ZNF346: variants seen among roughly 807,000 people sequenced by gnomAD.
ZNF346 encodes double-stranded RNA-binding zinc finger protein JAZ.
A neutral mutation model predicts 33.7 loss-of-function variants in ZNF346; 23 were observed. That is an observed-to-expected ratio of 0.68 (90% CI 0.49 to 0.97). The LOEUF is 0.97. ZNF346 is among the 50% of genes least tolerant of loss of function. The probability of loss-of-function intolerance (pLI) is 0.00; values close to 1 mark genes in which losing one functional copy is unlikely to be tolerated. For missense variants in ZNF346, 340 were observed against 371.1 expected (o/e 0.92, Z 0.69); for synonymous variants, 134 against 142.4 (o/e 0.94, Z 0.42).
In ZNF346 at chr5:177,022,862, C is replaced by T. The variant is rs1030542788; in HGVS notation, c.124C>T (p.Arg42Cys). 2.0e-6 allele frequency: 3 copies of T among 1,526,424 alleles called. No homozygotes were observed. The highest frequency in any genetic ancestry group is 2.8e-5 in the African/African-American group (2 of 71,774). 94.6% of individuals were successfully genotyped at this position (1,526,424 alleles called of 1,614,324 possible). The part of the protein sequence containing the change: ...DGVRFDRERA[R>C]RLWEAVSGAQ... The stretch of plus-strand genomic sequence containing the variant: ...GGTGCGCTTTGACCGCGAGAGGGCG[C>T]GCCGCCTGTGGGAAGCCGTGTCCGG... Residue 42 changes from arginine to cysteine, a missense_variant, in exon 1 of 7, where the codon CGC becomes TGC. Coordinates refer to ENST00000358149, the MANE Select transcript of ZNF346 (RefSeq NM_012279.4).
chr5:177,051,283 T>G (rs1780850106), intron 5 of ZNF346, among the ~76,000 whole-genome samples: 1 of 148,628 alleles, frequency 6.7e-6, no homozygotes, highest in African/African-American at 2.5e-5. Context: ...CATGCCATCC[T>G]TCTGCCTCAG....
chr5:177,053,844 AC>A (rs1321855688), intron 5 of ZNF346, among the ~76,000 whole-genome samples: 1 of 151,990 alleles, frequency 6.6e-6, no homozygotes, highest in East Asian at 1.9e-4. Context: ...ACGTTTCAAA[AC>A]CCCCCATGGA....
At chr5:177,035,767 C>T (rs1163450027) in intron 1 of ZNF346, among the ~76,000 whole-genome samples, 1 of 28,676 alleles carries the variant, frequency 3.5e-5, no homozygotes, top group East Asian at 8.9e-3. Flanking sequence ...TCCCAAGTAG[C>T]TGGGACACAG....
In ZNF346 at chr5:177,067,895, G is replaced by A. The variant is rs1455035267; in HGVS notation, c.*3296G>A. Among the ~76,000 whole-genome samples the A allele has an allele frequency of 5.9e-5, 9 of 151,900 alleles. No homozygotes were observed. The highest frequency in any genetic ancestry group is 1.3e-4 in the Non-Finnish European group (9 of 67,962). ...CAAGGCGGGTGTATCACTTGCGGCCGGGAGTTTAAGACCATCCTGGCCAAC... is the reference window on the plus strand; with the variant it reads ...CAAGGCGGGTGTATCACTTGCGGCCAGGAGTTTAAGACCATCCTGGCCAAC... On this transcript the variant is annotated 3_prime_UTR_variant, in exon 7 of 7. Transcript: ENST00000358149.
chr5:177,047,136 C>T (rs1780165195), intron 4 of ZNF346, among the ~76,000 whole-genome samples: 1 of 151,798 alleles, frequency 6.6e-6, no homozygotes, highest in African/African-American at 2.4e-5. Flanking sequence ...GCAACCTCCG[C>T]CTCCTGGGTT....
intron 1 of ZNF346, among the ~76,000 whole-genome samples, chr5:177,038,585 A>C (rs984190615): frequency 3.1e-4 from 47 of 151,936 alleles, no homozygotes; most frequent in African/African-American, 1.1e-3. Context: ...CAAAGCACGT[A>C]TTATAAATAT....
chr5:177,022,735 G>T lies in ZNF346; in HGVS notation c.-4G>T. The T allele has an allele frequency of 1.3e-6, 2 of 1,550,506 alleles. No homozygotes were observed. Among genetic ancestry groups the T allele is most frequent in the Non-Finnish European group, 1.7e-6 (2 of 1,152,774 alleles). On this transcript the variant is annotated 5_prime_UTR_variant, in exon 1 of 7. Coordinates refer to ENST00000358149, the MANE Select transcript of ZNF346 (RefSeq NM_012279.4). ...CTCTCTACCGGTGAGGGTTTGCGGG[G>T]AAGATGGAGTATCCCGCGCCGGCCA...
Position 177,028,040 on chromosome 5 carries a change from C to CTTTTTTTTTTT in ZNF346, c.175+5149_175+5159dup, listed in dbSNP as rs10682528. On this transcript the variant is annotated intron_variant, in intron 1 of 6. Coordinates refer to ENST00000358149, the MANE Select transcript of ZNF346 (RefSeq NM_012279.4). ...GAATATTTTGTTTCTCCTTGTGTCA[C>CTTTTTTTTTTT]TTTTTTTTTTTTTTTTTTTTTTTTT... 4.5e-4 allele frequency among the ~76,000 whole-genome samples: 15 copies of CTTTTTTTTTTT among 33,502 alleles called. 5 individuals are homozygous for CTTTTTTTTTTT. The highest frequency in any genetic ancestry group is 1.5e-3 in the African/African-American group (11 of 7,192). 22.0% of individuals were successfully genotyped at this position (33,502 alleles called of 152,430 possible).
chr5:177,071,538 T>C (rs2149717926), downstream of ZNF346, among the ~76,000 whole-genome samples: 1 of 151,150 alleles, frequency 6.6e-6, no homozygotes, highest in East Asian at 2.0e-4. Context: ...TACAAAAAAT[T>C]AGCTGGTCGT....
chr5:177,049,827 A>G (rs1181132653), intron 4 of ZNF346, among the ~76,000 whole-genome samples: 3 of 152,120 alleles, frequency 2.0e-5, no homozygotes, highest in African/African-American at 7.2e-5. Context: ...TATATGTAGA[A>G]AACACATCAC....
intron 2 of ZNF346, 43 bp from the exon 3 acceptor site, chr5:177,041,735 G>A (rs374479915): frequency 8.5e-5 from 107 of 1,263,164 alleles, no homozygotes; most frequent in Non-Finnish European, 1.1e-4. Flanking sequence ...TAAGTATGAA[G>A]TAGCATTTGG....
chr5:177,030,105 G>A (rs1041883680), intron 1 of ZNF346, among the ~76,000 whole-genome samples: 19 of 152,134 alleles, frequency 1.2e-4, no homozygotes, highest in African/African-American at 4.6e-4. Context: ...TTTTTCTCCA[G>A]AGCACTGCTT....
At chr5:177,043,659 C>T (rs1276971703) in intron 3 of ZNF346, among the ~76,000 whole-genome samples, 1 of 151,790 alleles carries the variant, frequency 6.6e-6, no homozygotes, top group Non-Finnish European at 1.5e-5. Context: ...TGGCTACTTG[C>T]AGGGGTGGGT....
intron 3 of ZNF346, among the ~76,000 whole-genome samples, chr5:177,043,678 T>C (rs991083284): frequency 4.6e-5 from 7 of 151,928 alleles, no homozygotes; most frequent in South Asian, 2.1e-4. Flanking sequence ...GTGGGAGAAT[T>C]GCTTGAGCCC....
chr5:177,044,762 G>A (rs1442152726), intron 4 of ZNF346, among the ~76,000 whole-genome samples: 3 of 152,170 alleles, frequency 2.0e-5, no homozygotes, highest in Admixed American at 2.0e-4. Flanking sequence ...TATAGGCTGA[G>A]CTTTTGTCCT....
chr5:177,070,866 C>G (rs915006666), downstream of ZNF346, among the ~76,000 whole-genome samples: 4 of 152,154 alleles, frequency 2.6e-5, no homozygotes, highest in South Asian at 2.1e-4. Flanking sequence ...CTGGGGAGCC[C>G]CTGCTTATCC....
chr5:177,064,951 T>C lies in ZNF346; in HGVS notation c.*352T>C. On this transcript the variant is annotated 3_prime_UTR_variant, in exon 7 of 7. Coordinates refer to ENST00000358149, the MANE Select transcript of ZNF346 (RefSeq NM_012279.4). ...CTAAAGGTCAGTTTTGGGCCAGTTC[T>C]TGCAACTAAAGAGCAGAGATCTCTC... 1 of 233,076 alleles carries C rather than the reference T, an allele frequency of 4.3e-6. No individual in the cohort carries two copies. Among genetic ancestry groups the C allele is most frequent in the Non-Finnish European group, 8.4e-6 (1 of 118,968 alleles). 14.4% of individuals were successfully genotyped at this position (233,076 alleles called of 1,614,324 possible).
At chr5:177,058,382 A>G (rs1337995083) in intron 5 of ZNF346, among the ~76,000 whole-genome samples, 1 of 151,566 alleles carries the variant, frequency 6.6e-6, no homozygotes, top group African/African-American at 2.4e-5. Flanking sequence ...GAGGCAGGAG[A>G]ATTGCTTGAA....
At chr5:177,054,539 C>G (rs1042189247) in intron 5 of ZNF346, among the ~76,000 whole-genome samples, 1 of 151,718 alleles carries the variant, frequency 6.6e-6, no homozygotes, top group Non-Finnish European at 1.5e-5. Flanking sequence ...GCTGGGATTA[C>G]AGGTGCCCAC....
Sources: gnomAD v4.1 joint callset for allele counts (sites outside exome capture counted in the v4.1 genomes callset) on GRCh38, gnomAD v4.1.1 for gene constraint, MANE v1.5 for transcripts, NCBI Gene and HGNC (gene_info 2026-07-23, HGNC 2026-07-21) for gene names.